The following RIMS1 variants were observed in gnomAD, a reference collection of about 807,000 sequenced individuals.
RIMS1 encodes regulating synaptic membrane exocytosis protein 1.
A neutral mutation model predicts 214.1 loss-of-function variants in RIMS1; 83 were observed. The observed-to-expected ratio is 0.39, with a 90% CI of 0.32 to 0.47. RIMS1 has a LOEUF of 0.47. Among genes scored for constraint, RIMS1 ranks in the 20% least tolerant of loss-of-function variants. The pLI is 0.99. For synonymous variants in RIMS1, 793 were observed against 786.8 expected (o/e 1.01, Z -0.13); for missense variants, 2,050 against 2,161.8 (o/e 0.95, Z 1.03).
In RIMS1 at chr6:72,179,846, C is replaced by G; in HGVS notation, c.743C>G (p.Ser248Trp). 1 of 1,607,798 alleles carries G rather than the reference C, an allele frequency of 6.2e-7. No individual in the cohort carries two copies. Among genetic ancestry groups the G allele is most frequent in the Non-Finnish European group, 8.5e-7 (1 of 1,176,406 alleles). Residue 248 changes from serine to tryptophan, a missense_variant, in exon 5 of 34, where the codon TCG becomes TGG. Transcript: ENST00000521978. The stretch of plus-strand genomic sequence containing the variant: ...GACAGGAGCAAAGGGGCTGAGCCCT[C>G]GCAGCAAGCCTTGGGGCCTGAACAG... The part of the protein sequence containing the change: ...PPDRSKGAEP[S>W]QQALGPEQKQ...
chr6:72,175,020 T>G (rs1365280195), intron 4 of RIMS1, among the ~76,000 whole-genome samples: 1 of 152,234 alleles, frequency 6.6e-6, no homozygotes, highest in East Asian at 1.9e-4. Context: ...TCATTCTCAT[T>G]TATTCTGACA....
chr6:72,092,448 C>G (rs1368379703), intron 2 of RIMS1, among the ~76,000 whole-genome samples: 2 of 151,878 alleles, frequency 1.3e-5, no homozygotes, highest in African/African-American at 4.8e-5. Flanking sequence ...AGGAAGAAAC[C>G]CAGAAAGAAA....
At chr6:72,209,784 C>T (rs1245407860) in intron 6 of RIMS1, among the ~76,000 whole-genome samples, 1 of 151,708 alleles carries the variant, frequency 6.6e-6, no homozygotes, top group Non-Finnish European at 1.5e-5. Context: ...GCCTGTAGTC[C>T]CAGCTACTCG....
chr6:72,007,877 G>A (rs1266413143), intron 2 of RIMS1, among the ~76,000 whole-genome samples: 3 of 152,150 alleles, frequency 2.0e-5, no homozygotes, highest in African/African-American at 7.2e-5. Context: ...GGGGAGAATG[G>A]AACCAAGTTG....
intron 2 of RIMS1, among the ~76,000 whole-genome samples, chr6:72,081,975 G>A (rs1833528087): frequency 6.6e-6 from 1 of 152,118 alleles, no homozygotes; most frequent in African/African-American, 2.4e-5. Context: ...GCCTTGAAAT[G>A]CACTCCAGAA....
Position 72,307,246 on chromosome 6 carries a change from G to A in RIMS1, c.3851-12G>A. 3 of 1,558,926 alleles carry A rather than the reference G, an allele frequency of 1.9e-6. No homozygotes were observed. The South Asian group carries it at 3.5e-5, about 18-fold the overall frequency. Reference sequence around the variant, plus strand: ...ACATGTTTTAATAGGCTTCCATTATGTGTTTTTGCAGCAAGCTTAGTAGTG... The same window carrying A: ...ACATGTTTTAATAGGCTTCCATTATATGTTTTTGCAGCAAGCTTAGTAGTG... On this transcript the variant is annotated splice_polypyrimidine_tract_variant and intron_variant, in intron 26 of 33. Coordinates refer to ENST00000521978, the MANE Select transcript of RIMS1 (RefSeq NM_014989.7).
At chr6:71,976,127 C>T (rs142749641) in intron 2 of RIMS1, among the ~76,000 whole-genome samples, 217 of 152,146 alleles carry the variant, frequency 1.4e-3, no homozygotes, top group African/African-American at 5.0e-3. Flanking sequence ...TTTTTGAGGA[C>T]CTGCTAAGCT....
intron 4 of RIMS1, among the ~76,000 whole-genome samples, chr6:72,119,516 C>T (rs546502973): frequency 1.3e-5 from 2 of 151,826 alleles, no homozygotes; most frequent in South Asian, 2.1e-4. Flanking sequence ...GAAAAGAGAA[C>T]AAATCTGGAA....
chr6:72,203,181 G>C (rs2153995700), intron 6 of RIMS1, among the ~76,000 whole-genome samples: 1 of 152,098 alleles, frequency 6.6e-6, no homozygotes, highest in African/African-American at 2.4e-5. Flanking sequence ...TAGAGGCGGG[G>C]TTTCACCGTG....
At chr6:72,124,157 G>T (rs906248165) in intron 4 of RIMS1, among the ~76,000 whole-genome samples, 8 of 151,740 alleles carry the variant, frequency 5.3e-5, no homozygotes, top group African/African-American at 1.5e-4. Context: ...AGCTCTTTTA[G>T]GGCAGGCCTG....
intron 2 of RIMS1, among the ~76,000 whole-genome samples, chr6:71,970,560 A>G (rs949450712): frequency 7.2e-5 from 11 of 152,210 alleles, no homozygotes; most frequent in African/African-American, 2.7e-4. Flanking sequence ...AAAACAAGAC[A>G]TTAGATAATT....
intron 4 of RIMS1, among the ~76,000 whole-genome samples, chr6:72,125,030 G>A (rs912422877): frequency 2.6e-5 from 4 of 152,270 alleles, no homozygotes; most frequent in African/African-American, 9.6e-5. Context: ...TGCTGGTGAG[G>A]AGCTGCAGTC....
chr6:72,320,892 T>A (rs1207681661), intron 28 of RIMS1, among the ~76,000 whole-genome samples: 1 of 152,052 alleles, frequency 6.6e-6, no homozygotes, highest in African/African-American at 2.4e-5. Context: ...TATAGTAAAA[T>A]TTTTAAAGTA....
At chr6:72,145,813 A>C (rs77558012) in intron 4 of RIMS1, among the ~76,000 whole-genome samples, 182 of 152,242 alleles carry the variant, frequency 1.2e-3, no homozygotes, top group Middle Eastern at 6.8e-3. Context: ...CAAACAAAAA[A>C]CAGTTTCTCC....
chr6:72,316,958 G>A (rs2095837081), intron 28 of RIMS1: 1 of 638,244 alleles, frequency 1.6e-6, no homozygotes, highest in Admixed American at 2.1e-5. Context: ...CAGGCCCTAG[G>A]CTCTGTGGAG....
intron 4 of RIMS1, among the ~76,000 whole-genome samples, chr6:72,171,351 T>C (rs2047000688): frequency 6.6e-6 from 1 of 150,620 alleles, no homozygotes; most frequent in Non-Finnish European, 1.5e-5. Context: ...ATATTACGTG[T>C]GTGTGTGTAT....
intron 12 of RIMS1, among the ~76,000 whole-genome samples, 197 bp from the exon 13 acceptor site, chr6:72,250,133 A>G (rs574228329): frequency 1.3e-5 from 2 of 152,290 alleles, no homozygotes; most frequent in Non-Finnish European, 2.9e-5. Flanking sequence ...GTTGTAGGTT[A>G]TGTTTAAAGT....
intron 4 of RIMS1, among the ~76,000 whole-genome samples, chr6:72,118,871 T>A (rs1272261253): frequency 6.6e-6 from 1 of 151,722 alleles, no homozygotes; most frequent in Non-Finnish European, 1.5e-5. Context: ...AACATTATAC[T>A]GAGTGGGGAA....
intron 1 of RIMS1, among the ~76,000 whole-genome samples, chr6:71,924,981 C>T (rs1781186990): frequency 6.6e-6 from 1 of 152,104 alleles, no homozygotes; most frequent in African/African-American, 2.4e-5. Context: ...AGGGACTGTG[C>T]AGTGCTGTCT....
Sources: gnomAD v4.1 joint callset for allele counts (sites outside exome capture counted in the v4.1 genomes callset) on GRCh38, gnomAD v4.1.1 for gene constraint, MANE v1.5 for transcripts, NCBI Gene and HGNC (gene_info 2026-07-23, HGNC 2026-07-21) for gene names.